NEK11: variants seen among roughly 807,000 people sequenced by gnomAD.
The protein encoded by NEK11 is NIMA related kinase 11, also known as serine/threonine-protein kinase Nek11.
Under a neutral mutation model 80.7 loss-of-function variants are expected in NEK11, and 72 were observed. That is an observed-to-expected ratio of 0.89 (90% CI 0.74 to 1.08). NEK11 has a LOEUF of 1.08. Ranked by LOEUF, NEK11 falls within the 50% of genes least tolerant of loss-of-function variation. The pLI, the probability that NEK11 is intolerant of heterozygous loss-of-function variation, is 0.00. For synonymous variants in NEK11, 251 were observed against 260.7 expected, an observed-to-expected ratio of 0.96 and a Z score of 0.36; for missense variants, 764 against 763.6, an observed-to-expected ratio of 1.00 and a Z score of -0.01.
intron 3 of NEK11, chr3:131,072,307 A>C (rs1195916472): frequency 1.3e-5 from 2 of 152,236 alleles, no homozygotes; most frequent in Non-Finnish European, 2.9e-5. Flanking sequence ...AAGGAGTCAA[A>C]TGCAGATGAT....
chr3:131,125,408 A>G (rs1023245868), intron 5 of NEK11, among the ~76,000 whole-genome samples: 1 of 152,196 alleles, frequency 6.6e-6, no homozygotes, highest in African/African-American at 2.4e-5. Flanking sequence ...GTTTTAATTA[A>G]TAATAGTAAT....
intron 14 of NEK11, among the ~76,000 whole-genome samples, chr3:131,201,094 A>C (rs1349285646): frequency 6.6e-6 from 1 of 151,972 alleles, no homozygotes; most frequent in Non-Finnish European, 1.5e-5. Flanking sequence ...ATATAACTAA[A>C]AGAAGCAAGA....
At chr3:131,247,741 G>T (rs1454153198) in intron 16 of NEK11, among the ~76,000 whole-genome samples, 4 of 151,134 alleles carry the variant, frequency 2.6e-5, no homozygotes, top group Non-Finnish European at 5.9e-5. Flanking sequence ...CGTGGGATGT[G>T]TTTCCATTTG....
intron 17 of NEK11, among the ~76,000 whole-genome samples, chr3:131,338,005 TGATCTCAGGTCACTGCAGTGGCAC>T (rs369264237): frequency 7.9e-4 from 120 of 152,258 alleles, no homozygotes; most frequent in East Asian, 6.8e-3. Context: ...GGCAGTGGCG[TGATCTCAGGTCACTGCAGTGGCAC>T]GATCTTGGCT....
chr3:131,051,104 G>A, intron 3 of NEK11, among the ~76,000 whole-genome samples: 1 of 152,192 alleles, frequency 6.6e-6, no homozygotes, highest in East Asian at 1.9e-4. Flanking sequence ...AAATTGTTTA[G>A]CTTAAGCCAG....
chr3:131,281,960 C>T (rs541582033), intron 17 of NEK11, among the ~76,000 whole-genome samples: 3 of 152,278 alleles, frequency 2.0e-5, no homozygotes, highest in African/African-American at 7.2e-5. Context: ...CACAAAATGT[C>T]CCCACATCTA....
intron 5 of NEK11, among the ~76,000 whole-genome samples, chr3:131,125,635 C>G (rs1414227007): frequency 3.9e-5 from 6 of 151,996 alleles, no homozygotes; most frequent in Non-Finnish European, 8.8e-5. Flanking sequence ...GATACATAGC[C>G]TTGTCTTATG....
intron 4 of NEK11, among the ~76,000 whole-genome samples, chr3:131,085,377 T>C (rs531845596): frequency 5.3e-5 from 8 of 152,198 alleles, no homozygotes; most frequent in Admixed American, 2.6e-4. Flanking sequence ...ACAATTATAG[T>C]CATTGTGTGG....
chr3:131,305,471 C>A (rs1430418170), intron 17 of NEK11, among the ~76,000 whole-genome samples: 1 of 152,152 alleles, frequency 6.6e-6, no homozygotes, highest in Non-Finnish European at 1.5e-5. Context: ...TGGCCCCATT[C>A]CACAGGCAAG....
chr3:131,214,528 G>A (rs993050936), intron 14 of NEK11, among the ~76,000 whole-genome samples: 1 of 152,018 alleles, frequency 6.6e-6, no homozygotes, highest in East Asian at 1.9e-4. Context: ...TGTCATTTTC[G>A]CTTTTACTCT....
intron 4 of NEK11, among the ~76,000 whole-genome samples, chr3:131,085,388 C>A (rs2075838111): frequency 6.6e-6 from 1 of 152,034 alleles, no homozygotes; most frequent in South Asian, 2.1e-4. Flanking sequence ...CATTGTGTGG[C>A]ATAACAGAGA....
intron 17 of NEK11, chr3:131,325,668 A>T (rs2096955769): frequency 6.6e-6 from 1 of 152,224 alleles, no homozygotes; most frequent in Non-Finnish European, 1.5e-5. Flanking sequence ...ACCATAATTT[A>T]GTGGTAGCAA....
chr3:131,189,617 A>G (rs962755211), intron 14 of NEK11, among the ~76,000 whole-genome samples: 1 of 152,164 alleles, frequency 6.6e-6, no homozygotes, highest in Non-Finnish European at 1.5e-5. Flanking sequence ...AAACATTAAA[A>G]CCAAACCATT....
In NEK11 at chr3:131,168,883, A is replaced by G; in HGVS notation, c.1230A>G (p.Arg410=). The G allele has an allele frequency of 6.2e-7, 1 of 1,614,078 alleles. No homozygotes were observed. Among genetic ancestry groups the G allele is most frequent in the Non-Finnish European group, 8.5e-7 (1 of 1,179,968 alleles). The change falls in exon 13 of 18, where the codon AGA becomes AGG. Residue 410 remains arginine (R), a synonymous_variant. Transcript: ENST00000383366. The part of the protein sequence containing the change: ...MEEKEEQPEG[R]LSCSPQDEDE... ...AAAAGGAGGAGCAACCTGAGGGAAG[A>G]CTTTCTTGTTCACCCCAGGACGAGG...
At chr3:131,142,532 G>A (rs1041527911) in intron 7 of NEK11, among the ~76,000 whole-genome samples, 5 of 152,122 alleles carry the variant, frequency 3.3e-5, no homozygotes, top group Non-Finnish European at 5.9e-5. Flanking sequence ...AAGCAGTGTC[G>A]GCTGTTGCCA....
chr3:131,345,674 C>T (rs532971530), intron 17 of NEK11, among the ~76,000 whole-genome samples: 7 of 152,316 alleles, frequency 4.6e-5, no homozygotes, highest in African/African-American at 7.2e-5. Context: ...AGCAATCCCT[C>T]TTCTGGGTAT....
At chr3:131,262,885 C>G (rs1291820551) in intron 16 of NEK11, among the ~76,000 whole-genome samples, 2 of 149,442 alleles carry the variant, frequency 1.3e-5, no homozygotes, top group African/African-American at 4.9e-5. Flanking sequence ...CATTGTTCAA[C>G]TCTCACTTAT....
intron 12 of NEK11, among the ~76,000 whole-genome samples, chr3:131,168,253 A>G (rs2092401464): frequency 6.6e-6 from 1 of 152,180 alleles, no homozygotes; most frequent in Non-Finnish European, 1.5e-5. Context: ...TCAAACTTGA[A>G]ATGCACCTTG....
chr3:131,113,499 G>C (rs2080464884), intron 5 of NEK11, among the ~76,000 whole-genome samples: 1 of 152,198 alleles, frequency 6.6e-6, no homozygotes, highest in Admixed American at 6.5e-5. Flanking sequence ...AAGCTGTGCA[G>C]AATGCATGGT....
Sources: gnomAD v4.1 joint callset for allele counts (sites outside exome capture counted in the v4.1 genomes callset) on GRCh38, gnomAD v4.1.1 for gene constraint, MANE v1.5 for transcripts, NCBI Gene and HGNC (gene_info 2026-07-23, HGNC 2026-07-21) for gene names.